MICU1: variants seen among roughly 807,000 people sequenced by gnomAD.
MICU1 encodes the protein calcium uptake protein 1, mitochondrial.
In MICU1, 45 loss-of-function variants were observed where a neutral mutation model predicts 56.8. The observed-to-expected ratio is 0.79, with a 90% CI of 0.62 to 1.02. The LOEUF (loss-of-function observed/expected upper bound fraction) is 1.02, where lower values mean the gene tolerates loss of function less well. Among genes scored for constraint, MICU1 ranks in the 50% least tolerant of loss-of-function variants. The probability of loss-of-function intolerance (pLI) is 0.00; values close to 1 mark genes in which losing one functional copy is unlikely to be tolerated. For missense variants in MICU1, 504 were observed against 587.1 expected (o/e 0.86, Z 1.46); for synonymous variants, 186 against 195.1 (o/e 0.95, Z 0.39).
At chr10:72,564,817 T>C (rs190428034) in intron 2 of MICU1, among the ~76,000 whole-genome samples, 21 of 152,122 alleles carry the variant, frequency 1.4e-4, no homozygotes, top group East Asian at 9.7e-4. Context: ...AGTGCATTCT[T>C]AGGATGAAAC....
At chr10:72,608,110 C>T (rs117604572) in intron 1 of MICU1, among the ~76,000 whole-genome samples, 358 of 152,130 alleles carry the variant, frequency 2.4e-3, no homozygotes, top group Non-Finnish European at 3.8e-3. Flanking sequence ...ACTGTGTCAC[C>T]CAAGCTGGAG....
At chr10:72,515,171 C>A (rs1867607866) in intron 5 of MICU1, among the ~76,000 whole-genome samples, 1 of 152,324 alleles carries the variant, frequency 6.6e-6, no homozygotes, top group Middle Eastern at 3.4e-3. Flanking sequence ...GCTGCCATTG[C>A]ACTGGGGACT....
chr10:72,540,267 C>CA lies in MICU1; in HGVS notation c.494-6479dup, dbSNP rs11287541. On this transcript the variant is annotated intron_variant, in intron 4 of 11. Transcript: ENST00000361114. ...GGGCAACCAGAGTGAAACTCCATCT[C>CA]AAAAAAAAAAAAAAAAAAAGAAAAG... Among the ~76,000 whole-genome samples, 228 of 85,310 alleles carry CA rather than the reference C, an allele frequency of 2.7e-3. 1 individual carries two copies. The highest frequency in any genetic ancestry group is 0.019 in the East Asian group (32 of 1,690). 56.0% of individuals were successfully genotyped at this position (85,310 alleles called of 152,430 possible).
chr10:72,611,920 G>C (rs74148033), intron 1 of MICU1, among the ~76,000 whole-genome samples: 1 of 148,056 alleles, frequency 6.8e-6, no homozygotes, highest in African/African-American at 2.5e-5. Flanking sequence ...CCAAGAGTTT[G>C]AAGCTACAGT....
chr10:72,436,360 A>G (rs574929532), intron 8 of MICU1, among the ~76,000 whole-genome samples: 18 of 152,334 alleles, frequency 1.2e-4, no homozygotes, highest in Admixed American at 1.3e-4. Flanking sequence ...AGAAAGGAAT[A>G]GCATCAACAT....
intron 9 of MICU1, among the ~76,000 whole-genome samples, chr10:72,413,799 G>C (rs779993081): frequency 1.3e-5 from 2 of 152,092 alleles, no homozygotes; most frequent in Non-Finnish European, 2.9e-5. Context: ...CAATATATGG[G>C]AAGACCAACA....
At chr10:72,611,622 G>C (rs1470475804) in intron 1 of MICU1, among the ~76,000 whole-genome samples, 1 of 151,796 alleles carries the variant, frequency 6.6e-6, no homozygotes. Flanking sequence ...CCTGTGTTAA[G>C]AATTAAGATA....
intron 1 of MICU1, among the ~76,000 whole-genome samples, chr10:72,575,154 A>C (rs976082513): frequency 6.6e-6 from 1 of 152,148 alleles, no homozygotes; most frequent in Non-Finnish European, 1.5e-5. Flanking sequence ...CTGCCTCAGC[A>C]TTCCAAGTCC....
At chr10:72,524,728 TCA>T in intron 5 of MICU1, 1 of 1,231,856 alleles carries the variant, frequency 8.1e-7, no homozygotes, top group Non-Finnish European at 1.0e-6. Flanking sequence ...TGCTGCTGAG[TCA>T]GTACCTGCCA....
At position 72,367,451 on chromosome 10, in the gene MICU1, G is replaced by A. The variant is rs1345305027; in HGVS notation, c.*744C>T. On this transcript the variant is annotated 3_prime_UTR_variant, in exon 12 of 12. Transcript: ENST00000361114. ...GGCCTCAGCTTTAGAGGCCCATCCT[G>A]GAGAGGAAATGGCACTTGCAGGGAA... is the stretch of plus-strand genomic sequence containing the variant. The A allele has an allele frequency of 1.3e-5, 2 of 152,352 alleles. No homozygotes were observed. The highest frequency in any genetic ancestry group is 4.8e-5 in the African/African-American group (2 of 41,446). 9.4% of individuals were successfully genotyped at this position (152,352 alleles called of 1,614,324 possible).
At chr10:72,448,121 A>ATGTATG (rs1865164952) in intron 8 of MICU1, among the ~76,000 whole-genome samples, 1 of 121,786 alleles carries the variant, frequency 8.2e-6, no homozygotes. Context: ...GTTTATATAT[A>ATGTATG]TGTGTGTGTG....
chr10:72,464,719 A>G, intron 8 of MICU1, among the ~76,000 whole-genome samples: 1 of 152,220 alleles, frequency 6.6e-6, no homozygotes, highest in Non-Finnish European at 1.5e-5. Flanking sequence ...ATACATAACT[A>G]TATAGTATTT....
chr10:72,596,650 C>A (rs1841388898), intron 1 of MICU1, among the ~76,000 whole-genome samples: 1 of 151,854 alleles, frequency 6.6e-6, no homozygotes, highest in African/African-American at 2.4e-5. Flanking sequence ...GGTGGGTGGA[C>A]CAACTTGAGG....
chr10:72,504,973 T>A (rs1867196378), intron 6 of MICU1, among the ~76,000 whole-genome samples: 1 of 151,236 alleles, frequency 6.6e-6, no homozygotes, highest in Non-Finnish European at 1.5e-5. Context: ...ATTATTATTA[T>A]TATTATTATT....
chr10:72,524,188 T>C (rs909282409), intron 5 of MICU1, among the ~76,000 whole-genome samples: 7 of 152,170 alleles, frequency 4.6e-5, no homozygotes, highest in African/African-American at 1.7e-4. Context: ...TGTCACAATC[T>C]TAGCTCACTA....
Position 72,606,431 on chromosome 10 carries a change from T to A in MICU1, c.-2+19579A>T, listed in dbSNP as rs775282994. On this transcript the variant is annotated intron_variant, in intron 1 of 11. Transcript: ENST00000361114. ...CGGGAACTGAGGCAGGAGAATCTCT[T>A]GAACCCAGGAGGCAGAGGTTGCAGT... is the stretch of plus-strand genomic sequence containing the variant. Among the ~76,000 whole-genome samples, 42 of 151,936 alleles carry A rather than the reference T, an allele frequency of 2.8e-4. 1 individual carries two copies. In the South Asian group the frequency reaches 3.1e-3, roughly 11 times the overall value.
At chr10:72,535,039 A>AT (rs367546666) in intron 4 of MICU1, among the ~76,000 whole-genome samples, 3,162 of 121,710 alleles carry the variant, frequency 0.026, 181 homozygotes, top group African/African-American at 0.12. Context: ...TATTTTATTT[A>AT]TTTATTTTGA....
chr10:72,568,398 G>A (rs954945647), intron 1 of MICU1, among the ~76,000 whole-genome samples: 5 of 151,918 alleles, frequency 3.3e-5, no homozygotes, highest in African/African-American at 7.3e-5. Flanking sequence ...AGTTTTTGGC[G>A]TATGTCTTGC....
intron 8 of MICU1, among the ~76,000 whole-genome samples, chr10:72,433,280 G>A (rs901741931): frequency 6.6e-6 from 1 of 150,822 alleles, no homozygotes; most frequent in South Asian, 2.1e-4. Context: ...GTCTTGCTCT[G>A]TTGCCCAGGC....
Sources: gnomAD v4.1 joint callset for allele counts (sites outside exome capture counted in the v4.1 genomes callset) on GRCh38, gnomAD v4.1.1 for gene constraint, MANE v1.5 for transcripts, NCBI Gene and HGNC (gene_info 2026-07-23, HGNC 2026-07-21) for gene names.